GJA5: variants seen among roughly 807,000 people sequenced by gnomAD.
The protein encoded by GJA5 is gap junction protein alpha 5, also known as gap junction alpha-5 protein.
Under a neutral mutation model 7.9 loss-of-function variants are expected in GJA5, and 3 were observed. That is an observed-to-expected ratio of 0.38 (90% CI 0.17 to 0.99). The LOEUF (loss-of-function observed/expected upper bound fraction) is 0.99. GJA5 is among the 50% of genes least tolerant of loss of function. The probability of loss-of-function intolerance (pLI) is 0.38; values close to 1 mark genes in which losing one functional copy is unlikely to be tolerated. For synonymous variants in GJA5, 193 were observed against 181.0 expected (o/e 1.07, Z -0.53); for missense variants, 390 against 457.9 (o/e 0.85, Z 1.35).
rs1055475378 is a variant in GJA5, at chr1:147,756,865, C to T, written c.*1297G>A. ...CCCTGGGGAAGGCAAGGCTTTTCTA[C>T]AGCCCCCACTTGGCAGTCTCATTAG... On this transcript the variant is annotated 3_prime_UTR_variant, in exon 2 of 2. Transcript: ENST00000579774. The T allele has an allele frequency of 7.2e-5, 11 of 152,206 alleles. No homozygotes were observed. The highest frequency in any genetic ancestry group is 2.7e-4 in the African/African-American group (11 of 41,438). 9.4% of individuals were successfully genotyped at this position (152,206 alleles called of 1,614,324 possible). A position where few individuals can be genotyped will look rare whatever the true frequency, so the allele number is the denominator to read the frequency against.
At chr1:147,765,497 G>A (rs1412233000), upstream of GJA5, among the ~76,000 whole-genome samples, 1 of 152,180 alleles carries the variant, frequency 6.6e-6, no homozygotes, top group East Asian at 1.9e-4. Context: ...GTAGGAGTTA[G>A]GGGTATGTGA....
intron 1 of GJA5, among the ~76,000 whole-genome samples, chr1:147,770,558 T>TA (rs1393005493): frequency 1.3e-5 from 2 of 152,212 alleles, no homozygotes; most frequent in African/African-American, 4.8e-5. Context: ...ATGAGGAAGA[T>TA]ATTTATTAGC....
At chr1:147,766,182 C>T (rs782692309) in intron 1 of GJA5, among the ~76,000 whole-genome samples, 1 of 152,142 alleles carries the variant, frequency 6.6e-6, no homozygotes, top group Non-Finnish European at 1.5e-5. Flanking sequence ...TCCCACTCAA[C>T]CCTGAGCTCT....
At chr1:147,765,327 T>C (rs1220418769), upstream of GJA5, among the ~76,000 whole-genome samples, 1 of 152,186 alleles carries the variant, frequency 6.6e-6, no homozygotes. Context: ...AAGTGATTCG[T>C]TCAAATAAAC....
At chr1:147,770,722 T>C (rs1553228948) in intron 1 of GJA5, among the ~76,000 whole-genome samples, 1 of 152,122 alleles carries the variant, frequency 6.6e-6, no homozygotes, top group East Asian at 1.9e-4. Context: ...CCCTCTGTGA[T>C]TTTTTCAATA....
At chr1:147,759,580 G>C (rs782666091) in intron 1 of GJA5, among the ~76,000 whole-genome samples, 1 of 152,194 alleles carries the variant, frequency 6.6e-6, no homozygotes, top group Non-Finnish European at 1.5e-5. Flanking sequence ...TCTACTTCAG[G>C]AGGTCTGGGA....
intron 1 of GJA5, among the ~76,000 whole-genome samples, chr1:147,766,499 A>G (rs791295): frequency 0.34 from 51,261 of 151,980 alleles, 9,208 homozygotes; most frequent in Non-Finnish European, 0.4. Flanking sequence ...CACCTGCCCA[A>G]TGACGATGGT....
intron 1 of GJA5, among the ~76,000 whole-genome samples, chr1:147,772,534 A>C (rs1387977285): frequency 6.6e-6 from 1 of 152,182 alleles, no homozygotes; most frequent in African/African-American, 2.4e-5. Flanking sequence ...CTTTCACTGC[A>C]TGCTCAGAAG....
upstream of GJA5, among the ~76,000 whole-genome samples, chr1:147,764,665 A>T (rs1399690127): frequency 1.3e-5 from 2 of 151,974 alleles, no homozygotes; most frequent in Non-Finnish European, 2.9e-5. Context: ...TCTCTAATAA[A>T]ATTCAAAAAT....
At chr1:147,759,657 G>A (rs1026119835) in intron 1 of GJA5, among the ~76,000 whole-genome samples, 4 of 152,190 alleles carry the variant, frequency 2.6e-5, no homozygotes, top group Non-Finnish European at 4.4e-5. Flanking sequence ...GTGAGGGACC[G>A]CACCTGGAGA....
intron 1 of GJA5, among the ~76,000 whole-genome samples, chr1:147,768,008 T>C (rs1255846187): frequency 1.3e-5 from 2 of 152,184 alleles, no homozygotes; most frequent in African/African-American, 4.8e-5. Flanking sequence ...GGTAACTACT[T>C]CAGCCTCAGG....
chr1:147,767,104 A>G (rs782215659), intron 1 of GJA5, among the ~76,000 whole-genome samples: 9 of 152,184 alleles, frequency 5.9e-5, no homozygotes, highest in South Asian at 2.1e-4. Context: ...CTCTCACCCC[A>G]ATAATTTCTC....
chr1:147,773,035 A>G (rs1231321193), intron 1 of GJA5, among the ~76,000 whole-genome samples: 1 of 152,132 alleles, frequency 6.6e-6, no homozygotes, highest in Non-Finnish European at 1.5e-5. Flanking sequence ...ATCTCCCTCT[A>G]AATCAAGGAA....
chr1:147,770,383 A>G (rs1282806704), intron 1 of GJA5, among the ~76,000 whole-genome samples: 2 of 152,188 alleles, frequency 1.3e-5, no homozygotes, highest in African/African-American at 2.4e-5. Flanking sequence ...AAGCCAAGAA[A>G]CAAGTCCAGA....
chr1:147,759,416 C>T (rs1553227141), intron 1 of GJA5, 145 bp from the exon 2 acceptor site: 4 of 593,880 alleles, frequency 6.7e-6, no homozygotes, highest in South Asian at 2.1e-5. Flanking sequence ...AAGCAACCAA[C>T]GAAAAGCTCG....
upstream of GJA5, among the ~76,000 whole-genome samples, chr1:147,764,130 C>A (rs1424920527): frequency 6.6e-6 from 1 of 151,976 alleles, no homozygotes; most frequent in African/African-American, 2.4e-5. Flanking sequence ...TTCTCGTGGT[C>A]CCCCTACACG....
At chr1:147,759,740 G>T (rs1663914889) in intron 1 of GJA5, among the ~76,000 whole-genome samples, 1 of 152,208 alleles carries the variant, frequency 6.6e-6, no homozygotes, top group Non-Finnish European at 1.5e-5. Flanking sequence ...CACTGAGTCT[G>T]TTTCTTCATT....
Position 147,758,414 on chromosome 1 carries a change from A to G in GJA5, c.825T>C (p.Pro275=), listed in dbSNP as rs1417463584. ...TGAAGGGATTGAAGAATTTTCCCCC[A>G]GGGCCATTCTCCAGGCACTGATTAA... is the stretch of plus-strand genomic sequence containing the variant. The part of the protein sequence containing the change: ...PDFNQCLENG[P]GGKFFNPFSN... Residue 275 remains proline (P), a synonymous_variant, in exon 2 of 2, where the codon CCT becomes CCC. Transcript: ENST00000579774. 2.5e-6 allele frequency: 4 copies of G among 1,614,032 alleles called. No homozygotes were observed. Among genetic ancestry groups the G allele is most frequent in the South Asian group, 1.1e-5 (1 of 91,094 alleles).
At chr1:147,766,655 G>C (rs1315274032) in intron 1 of GJA5, among the ~76,000 whole-genome samples, 1 of 152,128 alleles carries the variant, frequency 6.6e-6, no homozygotes, top group Non-Finnish European at 1.5e-5. Context: ...CATAGTACTG[G>C]GGAACTTATC....
Sources: gnomAD v4.1 joint callset for allele counts (sites outside exome capture counted in the v4.1 genomes callset) on GRCh38, gnomAD v4.1.1 for gene constraint, MANE v1.5 for transcripts, NCBI Gene and HGNC (gene_info 2026-07-23, HGNC 2026-07-21) for gene names.